The following POFUT3 variants were observed in gnomAD, a reference collection of about 807,000 sequenced individuals.
POFUT3 encodes protein O-fucosyltransferase 3, also known as GDP-fucose protein O-fucosyltransferase 3.
the POFUT3 span, among the ~76,000 whole-genome samples, chr8:33,472,674 T>C: frequency 4.6e-5 from 7 of 152,298 alleles, no homozygotes; most frequent in East Asian, 5.8e-4. Context: ...GATTAGGTTC[T>C]GGAATGGACG....
the POFUT3 span, among the ~76,000 whole-genome samples, chr8:33,344,594 C>T: frequency 2.6e-5 from 4 of 152,150 alleles, no homozygotes; most frequent in African/African-American, 7.2e-5. Context: ...TGGATGAAAA[C>T]GGAAATGCAT....
chr8:33,419,069 G>A, the POFUT3 span, among the ~76,000 whole-genome samples: 2 of 152,160 alleles, frequency 1.3e-5, no homozygotes, highest in African/African-American at 2.4e-5. Flanking sequence ...ACCAGAGGCT[G>A]GGAAGGTTGG....
the POFUT3 span, among the ~76,000 whole-genome samples, chr8:33,325,111 C>A: frequency 6.6e-6 from 1 of 152,144 alleles, no homozygotes; most frequent in African/African-American, 2.4e-5. Flanking sequence ...AAATTTGGGT[C>A]AAGCCAGATT....
At chr8:33,389,334 CA>C in the POFUT3 span, 22 of 1,614,174 alleles carry the variant, frequency 1.4e-5, no homozygotes, top group East Asian at 4.5e-4. Flanking sequence ...ACTGCATTCT[CA>C]AAAGCTAGGA....
the POFUT3 span, among the ~76,000 whole-genome samples, chr8:33,311,605 G>A: frequency 6.6e-6 from 1 of 152,122 alleles, no homozygotes; most frequent in Non-Finnish European, 1.5e-5. Context: ...TTATGTTAAT[G>A]TCGGTTTTAC....
At chr8:33,431,761 C>T in the POFUT3 span, among the ~76,000 whole-genome samples, 1 of 151,410 alleles carries the variant, frequency 6.6e-6, no homozygotes, top group Non-Finnish European at 1.5e-5. Context: ...TTTTTTTTTA[C>T]CAATCAAGGC....
At chr8:33,386,499 TCTC>T in the POFUT3 span, among the ~76,000 whole-genome samples, 1 of 152,058 alleles carries the variant, frequency 6.6e-6, no homozygotes, top group Non-Finnish European at 1.5e-5. Context: ...GCAGGAATGA[TCTC>T]CTACATCTTT....
chr8:33,470,034 C>T, the POFUT3 span, among the ~76,000 whole-genome samples: 1 of 151,386 alleles, frequency 6.6e-6, no homozygotes, highest in Admixed American at 6.6e-5. Context: ...ACCTCGTGAT[C>T]CACCTGCCTC....
the POFUT3 span, among the ~76,000 whole-genome samples, chr8:33,336,518 A>G: frequency 1.6e-4 from 24 of 151,846 alleles, no homozygotes; most frequent in Admixed American, 1.4e-3. Flanking sequence ...TAAAAGTTTA[A>G]CAACTGGGTC....
the POFUT3 span, among the ~76,000 whole-genome samples, chr8:33,451,525 T>G: frequency 2.6e-5 from 4 of 152,170 alleles, no homozygotes; most frequent in East Asian, 5.8e-4. Context: ...TACATATGTA[T>G]ATGCATATGC....
At chr8:33,404,566 C>T in the POFUT3 span, among the ~76,000 whole-genome samples, 1 of 152,094 alleles carries the variant, frequency 6.6e-6, no homozygotes, top group Non-Finnish European at 1.5e-5. Flanking sequence ...AACAGGTCTG[C>T]CTGCCCCAGA....
At chr8:33,402,236 T>G in the POFUT3 span, among the ~76,000 whole-genome samples, 1 of 152,144 alleles carries the variant, frequency 6.6e-6, no homozygotes, top group East Asian at 1.9e-4. Context: ...CCAAATTAAT[T>G]AAATCAAAGG....
chr8:33,386,889 G>A, the POFUT3 span, among the ~76,000 whole-genome samples: 6 of 152,192 alleles, frequency 3.9e-5, no homozygotes, highest in African/African-American at 1.4e-4. Context: ...TTTTTGTGAG[G>A]TACAGAAGCA....
At chr8:33,341,434 CAAAAA>C in the POFUT3 span, among the ~76,000 whole-genome samples, 1 of 52,392 alleles carries the variant, frequency 1.9e-5, no homozygotes, top group Admixed American at 2.1e-4. Context: ...GACTCCATCT[CAAAAA>C]AAAAAAAAAA....
At chr8:33,444,634 A>G in the POFUT3 span, among the ~76,000 whole-genome samples, 3 of 152,056 alleles carry the variant, frequency 2.0e-5, no homozygotes, top group Admixed American at 2.0e-4. Flanking sequence ...CCTGGCCAAC[A>G]TGGGGAAACA....
chr8:33,451,710 C>T, the POFUT3 span: 1 of 151,786 alleles, frequency 6.6e-6, no homozygotes, highest in Non-Finnish European at 1.5e-5. Context: ...TGAAGAAATA[C>T]CCAAGACTGG....
chr8:33,374,873 C>T, the POFUT3 span, among the ~76,000 whole-genome samples: 32,075 of 147,616 alleles, frequency 0.22, 3,926 homozygotes, highest in South Asian at 0.46. Flanking sequence ...TTTTTCTTTT[C>T]TTTTCTTTTT....
chr8:33,341,431 T>A, the POFUT3 span, among the ~76,000 whole-genome samples: 1 of 126,398 alleles, frequency 7.9e-6, no homozygotes, highest in Admixed American at 8.9e-5. Flanking sequence ...TGAGACTCCA[T>A]CTCAAAAAAA....
At chr8:33,389,825 T>C in the POFUT3 span, 4 of 1,433,900 alleles carry the variant, frequency 2.8e-6, no homozygotes, top group Non-Finnish European at 3.9e-6. Flanking sequence ...AGATATTAAT[T>C]AGTATTTCCA....
Sources: allele counts gnomAD v4.1 joint callset (sites outside exome capture counted in the v4.1 genomes callset), GRCh38; gene constraint gnomAD v4.1.1; transcripts MANE v1.5; gene names NCBI Gene and HGNC (gene_info 2026-07-23, HGNC 2026-07-21).